The following TTPAL variants were observed in gnomAD, a reference collection of about 807,000 sequenced individuals.
The protein encoded by TTPAL is alpha tocopherol transfer protein like.
TTPAL carries 21 observed loss-of-function variants against 28.7 expected under a neutral mutation model. The ratio of observed to expected loss-of-function variants is 0.73; its 90% confidence interval spans 0.52 to 1.06. The LOEUF (loss-of-function observed/expected upper bound fraction) is 1.06, where lower values mean the gene tolerates loss of function less well. Ranked by LOEUF, TTPAL falls within the 50% of genes least tolerant of loss-of-function variation. The pLI, the probability that TTPAL is intolerant of heterozygous loss-of-function variation, is 0.00. For synonymous variants in TTPAL, 169 were observed against 171.9 expected, an observed-to-expected ratio of 0.98 and a Z score of 0.13; for missense variants, 345 against 425.5, an observed-to-expected ratio of 0.81 and a Z score of 1.67.
chr20:44,486,454 G>T, intron 3 of TTPAL, 142 bp from the exon 4 acceptor site: 3 of 577,362 alleles, frequency 5.2e-6, no homozygotes, highest in Non-Finnish European at 9.3e-6. Context: ...TTCCTAGTTA[G>T]GCCCCACGTG....
At chr20:44,488,788 G>A (rs900411281) in intron 4 of TTPAL, among the ~76,000 whole-genome samples, 21 of 152,208 alleles carry the variant, frequency 1.4e-4, no homozygotes, top group African/African-American at 5.1e-4. Context: ...AGACTGGAGG[G>A]GCAGGTGGTG....
At chr20:44,486,031 T>G (rs1296793094) in intron 3 of TTPAL, 1 of 152,342 alleles carries the variant, frequency 6.6e-6, no homozygotes, top group Non-Finnish European at 1.5e-5. Flanking sequence ...TCTGTCCCTG[T>G]AGACTCAGAC....
rs577274562 is a variant in TTPAL at position 44,486,622 on chromosome 20, A to G, written c.666A>G (p.Ala222=). Residue 222 remains alanine, a synonymous_variant, in exon 4 of 5, where the codon GCA becomes GCG. Coordinates refer to ENST00000262605, the MANE Select transcript of TTPAL (RefSeq NM_001039199.3). ...LQDGFPIRIK[A]VHVVNEPRIF... ...ATGGTTTCCCCATTCGGATAAAAGC[A>G]GTCCATGTGGTGAATGAACCTCGAA... The G allele has an allele frequency of 6.2e-7, 1 of 1,612,958 alleles. No homozygotes were observed. The highest frequency in any genetic ancestry group is 1.7e-5 in the Admixed American group (1 of 59,752).
At chr20:44,487,387 G>C (rs2064162066) in intron 4 of TTPAL, among the ~76,000 whole-genome samples, 1 of 152,154 alleles carries the variant, frequency 6.6e-6, no homozygotes, top group African/African-American at 2.4e-5. Context: ...GGCTGCCATG[G>C]GCTTGAACAA....
At chr20:44,487,625 A>G (rs963247546) in intron 4 of TTPAL, among the ~76,000 whole-genome samples, 1 of 152,220 alleles carries the variant, frequency 6.6e-6, no homozygotes, top group African/African-American at 2.4e-5. Context: ...AGGGATAAAT[A>G]GCACTTTGTC....
chr20:44,476,695 A>T (rs950253330), intron 1 of TTPAL, among the ~76,000 whole-genome samples: 2 of 152,254 alleles, frequency 1.3e-5, no homozygotes, highest in African/African-American at 4.8e-5. Context: ...GGAAATGGGT[A>T]AAGGGCTTAG....
rs2064219009 is a variant in TTPAL at position 44,492,744 on chromosome 20, CCT to C, written c.*3204_*3205del. ...AATTCTGGAAAACTGTGCCTCTTCC[CCT>C]GTTCTGCCTTCATGGGGGAGAGACT... On this transcript the variant is annotated 3_prime_UTR_variant, in exon 5 of 5. Transcript: ENST00000262605. The C allele has an allele frequency of 1.3e-5, 2 of 152,262 alleles. No individual in the cohort carries two copies. Among genetic ancestry groups the C allele is most frequent in the African/African-American group, 2.4e-5 (1 of 41,426 alleles). 9.4% of individuals were successfully genotyped at this position (152,262 alleles called of 1,614,324 possible). A position where few individuals can be genotyped will look rare whatever the true frequency, so the allele number is the denominator to read the frequency against.
chr20:44,477,282 T>C (rs1293409861), intron 1 of TTPAL, among the ~76,000 whole-genome samples: 1 of 152,212 alleles, frequency 6.6e-6, no homozygotes, highest in Non-Finnish European at 1.5e-5. Context: ...AGTTGTTCCA[T>C]TCCTCACTTA....
At chr20:44,485,601 A>G (rs1007178602) in intron 3 of TTPAL, among the ~76,000 whole-genome samples, 1 of 152,144 alleles carries the variant, frequency 6.6e-6, no homozygotes, top group Non-Finnish European at 1.5e-5. Context: ...TATTATTTAA[A>G]TAAATCAGTG....
Position 44,484,227 on chromosome 20 carries a change from ATCTT to A in TTPAL, c.446-104_446-101del, listed in dbSNP as rs1264917644. On this transcript the variant is annotated intron_variant, in intron 2 of 4. Transcript: ENST00000262605. The stretch of plus-strand genomic sequence containing the variant: ...AAATAAGAGTCATGGCTACTAGAAT[ATCTT>A]TCTTTTCCATTTTGAAACAACAGTG... 6.8e-6 allele frequency: 5 copies of A among 736,422 alleles called. No individual in the cohort carries two copies. In the Admixed American group the frequency reaches 9.1e-5, roughly 13 times the overall value. The allele number at this position is 736,422 out of a possible 1,614,324, so 45.6% of individuals were successfully genotyped here. A position where few individuals can be genotyped will look rare whatever the true frequency, so the allele number is the denominator to read the frequency against.
At chr20:44,476,028 C>G (rs2064038660) in intron 1 of TTPAL, 37 bp downstream of exon 1, 1 of 152,306 alleles carries the variant, frequency 6.6e-6, no homozygotes, top group Non-Finnish European at 1.5e-5. Context: ...GCCCTGGGAG[C>G]TGAGGAGAGG....
intron 4 of TTPAL, among the ~76,000 whole-genome samples, chr20:44,487,573 T>C (rs1395013468): frequency 6.6e-6 from 1 of 152,238 alleles, no homozygotes; most frequent in Non-Finnish European, 1.5e-5. Flanking sequence ...CAATTCAAGG[T>C]TTACGAGCTA....
chr20:44,489,083 T>A (rs1462480620), intron 4 of TTPAL, among the ~76,000 whole-genome samples, 180 bp from the exon 5 acceptor site: 1 of 152,106 alleles, frequency 6.6e-6, no homozygotes, highest in Non-Finnish European at 1.5e-5. Context: ...ATGTATGGTA[T>A]AAGGAAAAGA....
rs1247116903 is a variant in TTPAL, at chr20:44,480,704, G to C, written c.445+260G>C. 1.3e-5 allele frequency among the ~76,000 whole-genome samples: 2 copies of C among 152,194 alleles called. No homozygotes were observed. The highest frequency in any genetic ancestry group is 2.9e-5 in the Non-Finnish European group (2 of 68,036). On this transcript the variant is annotated intron_variant, in intron 2 of 4. Transcript: ENST00000262605. The surrounding 1 kb of genome is among the most constrained non-coding windows in gnomAD (Gnocchi z 4.1). The stretch of plus-strand genomic sequence containing the variant: ...TACTAGGGCCTAGAACCAAGAACCA[G>C]AATGCCACCAGGAGCCAAGACAGCC...
In TTPAL at chr20:44,480,729, C is replaced by T. The variant is rs575807294; in HGVS notation, c.445+285C>T. 2.6e-5 allele frequency among the ~76,000 whole-genome samples: 4 copies of T among 152,280 alleles called. No homozygotes were observed. The highest frequency in any genetic ancestry group is 4.1e-4 in the South Asian group (2 of 4,832). The stretch of plus-strand genomic sequence containing the variant: ...GAATGCCACCAGGAGCCAAGACAGC[C>T]GTTCTCCCTGTCTCTGCCTGACGGT... On this transcript the variant is annotated intron_variant, in intron 2 of 4. Coordinates refer to ENST00000262605, the MANE Select transcript of TTPAL (RefSeq NM_001039199.3). This position sits in a 1 kb window ranked among gnomAD's most constrained non-coding sequence, Gnocchi z 4.1.
chr20:44,482,746 A>G (rs1457634398), intron 2 of TTPAL, among the ~76,000 whole-genome samples: 1 of 152,060 alleles, frequency 6.6e-6, no homozygotes, highest in African/African-American at 2.4e-5. Context: ...GAGAGGAAAG[A>G]ATCATTAAAT....
At chr20:44,481,675 T>C (rs2064106799) in intron 2 of TTPAL, among the ~76,000 whole-genome samples, 1 of 152,210 alleles carries the variant, frequency 6.6e-6, no homozygotes, top group African/African-American at 2.4e-5. Context: ...GGAAGTTTGA[T>C]GGGGAGTGGA....
Position 44,475,896 on chromosome 20 carries a change from G to C in TTPAL, c.-111G>C, listed in dbSNP as rs1250734821. 6.6e-6 allele frequency: 1 copy of C among 152,220 alleles called. No individual in the cohort carries two copies. Among genetic ancestry groups the C allele is most frequent in the Non-Finnish European group, 1.5e-5 (1 of 68,034 alleles). 9.4% of individuals were successfully genotyped at this position (152,220 alleles called of 1,614,324 possible). ...ATCGTCACTTCCGGCGCGAGAGGCC[G>C]GGCAGGCCGGGCAGGGAGTGCGGGT... On this transcript the variant is annotated 5_prime_UTR_variant, in exon 1 of 5. Coordinates refer to ENST00000262605, the MANE Select transcript of TTPAL (RefSeq NM_001039199.3).
chr20:44,481,963 C>T (rs1273122400), intron 2 of TTPAL, among the ~76,000 whole-genome samples: 1 of 152,186 alleles, frequency 6.6e-6, no homozygotes, highest in Admixed American at 6.5e-5. Flanking sequence ...GATATTACAA[C>T]ACTGATTGCA....
Sources: allele counts gnomAD v4.1 joint callset (sites outside exome capture counted in the v4.1 genomes callset), GRCh38; gene constraint gnomAD v4.1.1; non-coding constraint Gnocchi (gnomAD v3.1); transcripts MANE v1.5; gene names NCBI Gene and HGNC (gene_info 2026-07-23, HGNC 2026-07-21).